RBM20: variants seen among roughly 807,000 people sequenced by gnomAD.
RBM20 encodes RNA binding motif protein 20, also known as RNA-binding protein 20.
In RBM20, 51 loss-of-function variants were observed where a neutral mutation model predicts 110.1. The observed-to-expected ratio is 0.46, with a 90% CI of 0.37 to 0.59. The LOEUF is 0.59. RBM20 is among the 20% of genes least tolerant of loss of function. RBM20 has a pLI of 0.00. For missense variants in RBM20, 1,512 were observed against 1,574.9 expected, an observed-to-expected ratio of 0.96 and a Z score of 0.68; for synonymous variants, 589 against 618.2, an observed-to-expected ratio of 0.95 and a Z score of 0.70.
chr10:110,810,495 T>G, intron 8 of RBM20, 33 bp downstream of exon 8: 2 of 1,482,566 alleles, frequency 1.3e-6, no homozygotes, highest in East Asian at 4.9e-5. Context: ...TCCAGGCAGG[T>G]TCTGGGCAGT....
At chr10:110,731,191 G>A (rs1362086444) in intron 1 of RBM20, among the ~76,000 whole-genome samples, 4 of 152,170 alleles carry the variant, frequency 2.6e-5, no homozygotes, top group African/African-American at 7.2e-5. Flanking sequence ...TGTTATCCAC[G>A]TTGGGAAATC....
chr10:110,748,660 A>G (rs1039699509), intron 1 of RBM20, among the ~76,000 whole-genome samples: 9 of 151,496 alleles, frequency 5.9e-5, no homozygotes, highest in South Asian at 2.1e-4. Context: ...TGGACTAGTT[A>G]TATCTTCTCT....
chr10:110,787,828 A>G (rs1844438564), intron 5 of RBM20, among the ~76,000 whole-genome samples: 1 of 150,458 alleles, frequency 6.6e-6, no homozygotes, highest in Middle Eastern at 3.4e-3. Flanking sequence ...CTAGGAGGGG[A>G]CAGAGAGCTA....
In RBM20 at chr10:110,821,790, G is replaced by A. The variant is rs886038875; in HGVS notation, c.3171G>A (p.Arg1057=). The stretch of plus-strand genomic sequence containing the variant: ...CTAAGCCAGCAGAGGAGAGGGCCCG[G>A]CAGCCAAGCCCATTTGTGGATGATT... ...SSPKPAEERA[R]QPSPFVDDCK... The change falls in exon 11 of 14, where the codon CGG becomes CGA. Residue 1057 remains arginine, a synonymous_variant. Coordinates refer to ENST00000369519, the MANE Select transcript of RBM20 (RefSeq NM_001134363.3). The A allele has an allele frequency of 1.3e-6, 2 of 1,551,760 alleles. No homozygotes were observed. The highest frequency in any genetic ancestry group is 1.7e-6 in the Non-Finnish European group (2 of 1,147,002).
At chr10:110,679,674 C>T (rs903795576) in intron 1 of RBM20, among the ~76,000 whole-genome samples, 2 of 152,222 alleles carry the variant, frequency 1.3e-5, no homozygotes, top group Non-Finnish European at 2.9e-5. Context: ...GCTTTGCGAG[C>T]CCCTGGATCC....
In RBM20 at chr10:110,647,033, C is replaced by T. The variant is rs555186150; in HGVS notation, c.191+2388C>T. ...TCAAAATGATGGCGACATCAATCTT[C>T]TTCATGTTGCATAGTGCGTTTGAAG... is the stretch of plus-strand genomic sequence containing the variant. On this transcript the variant is annotated intron_variant, in intron 1 of 13. Transcript: ENST00000369519. Among the ~76,000 whole-genome samples the T allele has an allele frequency of 2.6e-5, 4 of 152,334 alleles. No individual in the cohort carries two copies. In the South Asian group the frequency reaches 8.3e-4, roughly 32 times the overall value.
At chr10:110,779,612 G>A (rs1844311176) in intron 1 of RBM20, among the ~76,000 whole-genome samples, 1 of 152,190 alleles carries the variant, frequency 6.6e-6, no homozygotes, top group African/African-American at 2.4e-5. Flanking sequence ...TCCAAAGTGG[G>A]GGGACAGTCT....
At chr10:110,813,770 G>C (rs1443523707) in intron 9 of RBM20, among the ~76,000 whole-genome samples, 2 of 151,602 alleles carry the variant, frequency 1.3e-5, no homozygotes, top group East Asian at 3.9e-4. Context: ...GGAAGGCGGA[G>C]GTTGCAGTGA....
intron 1 of RBM20, among the ~76,000 whole-genome samples, chr10:110,735,103 CT>C (rs1182895459): frequency 1.8e-4 from 28 of 152,248 alleles, no homozygotes; most frequent in Non-Finnish European, 4.0e-4. Flanking sequence ...CATTATTTTC[CT>C]TGATAACAAT....
At position 110,823,570 on chromosome 10, in the gene RBM20, CTT is replaced by C; in HGVS notation, c.3408_3409del (p.Trp1137GlyfsTer8). 6.4e-7 allele frequency: 1 copy of C among 1,550,966 alleles called. No individual in the cohort carries two copies. Among genetic ancestry groups the C allele is most frequent in the Non-Finnish European group, 8.7e-7 (1 of 1,146,908 alleles). ...CTGAAACAGCCCCTTTCTTTGCCCTCTTGGGAACCAGAGGATGTGTTCAGTGA... is the reference window on the plus strand; with the variant it reads ...CTGAAACAGCCCCTTTCTTTGCCCTCGGGAACCAGAGGATGTGTTCAGTGA... On this transcript the variant is annotated frameshift_variant, in exon 12 of 14. Coordinates refer to ENST00000369519, the MANE Select transcript of RBM20 (RefSeq NM_001134363.3). LOFTEE classifies it high-confidence loss of function.
At chr10:110,683,770 A>G (rs538541757) in intron 1 of RBM20, among the ~76,000 whole-genome samples, 2 of 152,360 alleles carry the variant, frequency 1.3e-5, no homozygotes, top group African/African-American at 4.8e-5. Context: ...TTTTTAAAAT[A>G]GGAGAAACTT....
chr10:110,827,481 A>G (rs187587149), intron 12 of RBM20, among the ~76,000 whole-genome samples: 58 of 152,304 alleles, frequency 3.8e-4, no homozygotes, highest in Non-Finnish European at 7.2e-4. Flanking sequence ...GCAGCAACAC[A>G]GTGTAGGAAA....
chr10:110,769,592 T>C (rs752880513), intron 1 of RBM20, among the ~76,000 whole-genome samples: 2 of 152,200 alleles, frequency 1.3e-5, no homozygotes, highest in Non-Finnish European at 2.9e-5. Flanking sequence ...TAATTACATG[T>C]GTCCCTTGAA....
chr10:110,813,567 G>T (rs1844802796), intron 9 of RBM20, among the ~76,000 whole-genome samples: 1 of 152,194 alleles, frequency 6.6e-6, no homozygotes, highest in South Asian at 2.1e-4. Flanking sequence ...GGGCACAGTG[G>T]CTCATGCCTG....
At chr10:110,777,000 AT>A (rs1193088198) in intron 1 of RBM20, among the ~76,000 whole-genome samples, 2 of 152,210 alleles carry the variant, frequency 1.3e-5, no homozygotes, top group African/African-American at 4.8e-5. Context: ...TCTCCACAGA[AT>A]TGGGTACTCA....
chr10:110,708,102 G>C (rs558217728), intron 1 of RBM20, among the ~76,000 whole-genome samples: 76 of 152,306 alleles, frequency 5.0e-4, no homozygotes, highest in African/African-American at 1.7e-3. Context: ...GCATTGGCAG[G>C]GCTAGCTTCA....
intron 12 of RBM20, among the ~76,000 whole-genome samples, chr10:110,829,508 G>C (rs913824863): frequency 6.6e-6 from 1 of 152,122 alleles, no homozygotes; most frequent in East Asian, 1.9e-4. Context: ...CTCAGGCCCC[G>C]GACCACAGCC....
At chr10:110,649,105 T>C (rs1377629637) in intron 1 of RBM20, among the ~76,000 whole-genome samples, 1 of 152,196 alleles carries the variant, frequency 6.6e-6, no homozygotes, top group Non-Finnish European at 1.5e-5. Context: ...TCCATTGGAA[T>C]GTGAACTCTG....
chr10:110,830,933 A>C (rs1845042821), intron 12 of RBM20, 128 bp from the exon 13 acceptor site: 1 of 925,214 alleles, frequency 1.1e-6, no homozygotes, highest in Non-Finnish European at 1.6e-6. Context: ...CTCAGTAACC[A>C]GCCAAGGTCA....
Sources: allele counts gnomAD v4.1 joint callset (sites outside exome capture counted in the v4.1 genomes callset), GRCh38; gene constraint gnomAD v4.1.1; transcripts MANE v1.5; gene names NCBI Gene and HGNC (gene_info 2026-07-23, HGNC 2026-07-21).